Variants in SHISAL1 observed in about 807,000 individuals in gnomAD.
The protein encoded by SHISAL1 is shisa like 1.
Under a neutral mutation model 22.6 loss-of-function variants are expected in SHISAL1, and 9 were observed. The observed-to-expected ratio is 0.40, with a 90% CI of 0.24 to 0.70. The LOEUF (loss-of-function observed/expected upper bound fraction) is 0.70. Among genes scored for constraint, SHISAL1 ranks in the 30% least tolerant of loss-of-function variants. The pLI is 0.39. For synonymous variants in SHISAL1, 119 were observed against 115.4 expected, an observed-to-expected ratio of 1.03 and a Z score of -0.20; for missense variants, 246 against 270.6, an observed-to-expected ratio of 0.91 and a Z score of 0.64.
intron 4 of SHISAL1, among the ~76,000 whole-genome samples, chr22:44,279,088 C>A (rs79365): frequency 0.52 from 79,088 of 151,956 alleles, 21,654 homozygotes; most frequent in Non-Finnish European, 0.61. Context: ...TCTGTCACCA[C>A]CCGCCTGCCG....
At position 44,300,896 on chromosome 22, in the gene SHISAL1, G is replaced by A. The variant is rs751550199; in HGVS notation, c.50C>T (p.Ser17Leu). Residue 17 changes from serine (S) to leucine (L), a missense_variant, in exon 2 of 5, where the codon TCA (serine) becomes TTA (leucine). By Grantham distance (145) the Ser-to-Leu change is moderately radical. Transcript: ENST00000381176. ...QSLNVLAVLF[S>L]LLFSAVLSAH... ...GGTTTTACCTGCAGAAAACAGCAATGAGAAGAGGACGGCGAGCACGTTCAA... is the reference window on the plus strand; with the variant it reads ...GGTTTTACCTGCAGAAAACAGCAATAAGAAGAGGACGGCGAGCACGTTCAA... 1.9e-6 allele frequency: 3 copies of A among 1,614,146 alleles called. No individual in the cohort carries two copies. The highest frequency in any genetic ancestry group is 2.5e-6 in the Non-Finnish European group (3 of 1,179,998).
chr22:44,315,921 GC>G (rs2055555769), upstream of SHISAL1, among the ~76,000 whole-genome samples: 2 of 152,106 alleles, frequency 1.3e-5, no homozygotes, highest in South Asian at 4.1e-4. Context: ...CTCCATCCTG[GC>G]CCTCAAAGGA....
intron 4 of SHISAL1, among the ~76,000 whole-genome samples, chr22:44,267,242 G>A (rs1212412473): frequency 2.0e-5 from 3 of 151,944 alleles, no homozygotes; most frequent in East Asian, 1.9e-4. Flanking sequence ...AGGTGGGAGC[G>A]CCTCCTCCCC....
intron 4 of SHISAL1, among the ~76,000 whole-genome samples, chr22:44,260,374 A>G (rs570178497): frequency 6.6e-6 from 1 of 152,330 alleles, no homozygotes; most frequent in East Asian, 1.9e-4. Context: ...GGAAGGGAAG[A>G]ATGTGACATG....
chr22:44,285,912 G>C (rs1470365025), intron 3 of SHISAL1, among the ~76,000 whole-genome samples, 167 bp from the exon 4 acceptor site: 1 of 152,150 alleles, frequency 6.6e-6, no homozygotes, highest in Non-Finnish European at 1.5e-5. Context: ...CCTCTCCTCT[G>C]CCTGCCTGTT....
intron 4 of SHISAL1, among the ~76,000 whole-genome samples, chr22:44,285,018 G>A (rs1284846604): frequency 6.6e-6 from 1 of 151,866 alleles, no homozygotes; most frequent in Non-Finnish European, 1.5e-5. Context: ...AGTAACATTT[G>A]TATTTTCTAA....
At chr22:44,323,751 T>C in the SHISAL1 span, among the ~76,000 whole-genome samples, 3 of 152,240 alleles carry the variant, frequency 2.0e-5, no homozygotes, top group Non-Finnish European at 2.9e-5. Context: ...CTTGATACTA[T>C]CAAGCTAAAC....
chr22:44,291,128 T>A (rs1387089267), intron 3 of SHISAL1, among the ~76,000 whole-genome samples: 1 of 152,162 alleles, frequency 6.6e-6, no homozygotes, highest in Non-Finnish European at 1.5e-5. Flanking sequence ...AGCAGAAGCT[T>A]AGAGACACGA....
chr22:44,331,580 C>A, the SHISAL1 span, among the ~76,000 whole-genome samples: 1 of 149,960 alleles, frequency 6.7e-6, no homozygotes, highest in Non-Finnish European at 1.5e-5. The surrounding 1 kb of genome is among the most constrained non-coding windows in gnomAD (Gnocchi z 5.2). Flanking sequence ...GGGGGCTGCC[C>A]ACGCCCCCGC....
chr22:44,297,048 C>T (rs745677377), intron 2 of SHISAL1, among the ~76,000 whole-genome samples, 163 bp from the exon 3 acceptor site: 22 of 152,182 alleles, frequency 1.4e-4, no homozygotes, highest in Non-Finnish European at 2.2e-4. Flanking sequence ...CCCATTACCC[C>T]GAGCCTCCCA....
At chr22:44,309,596 C>T (rs891747790) in intron 1 of SHISAL1, among the ~76,000 whole-genome samples, 4 of 152,174 alleles carry the variant, frequency 2.6e-5, no homozygotes, top group Admixed American at 6.5e-5. Flanking sequence ...ACTCAAACCC[C>T]GGGGTCTGCT....
intron 4 of SHISAL1, among the ~76,000 whole-genome samples, chr22:44,285,199 G>T (rs539782365): frequency 1.3e-5 from 2 of 152,168 alleles, no homozygotes; most frequent in Non-Finnish European, 2.9e-5. Flanking sequence ...CAATGAGCTT[G>T]CAAGCTTTGC....
rs367777329 is a variant in SHISAL1 at position 44,266,678 on chromosome 22, C to T, written c.*-16993G>A. ...CTGGCTGTTTGACTTTGGACACATG[C>T]TGTGGCCTCTCTGAGCCTGAGTTTC... On this transcript the variant is annotated intron_variant, in intron 4 of 4. Coordinates refer to ENST00000381176, the MANE Select transcript of SHISAL1 (RefSeq NM_001099294.2). Among the ~76,000 whole-genome samples, 18 of 152,026 alleles carry T rather than the reference C, an allele frequency of 1.2e-4. No homozygotes were observed. In the East Asian group the frequency reaches 3.5e-3, roughly 29 times the overall value.
At chr22:44,263,904 G>A (rs897017845) in intron 4 of SHISAL1, among the ~76,000 whole-genome samples, 2 of 152,206 alleles carry the variant, frequency 1.3e-5, no homozygotes, top group African/African-American at 4.8e-5. Flanking sequence ...CTGCATTTGT[G>A]ATAGTTTATT....
Position 44,249,562 on chromosome 22 carries a change from C to G in SHISAL1, c.*123G>C. 4.1e-6 allele frequency: 3 copies of G among 725,590 alleles called. No individual in the cohort carries two copies. The Admixed American group carries it at 6.2e-5, about 15-fold the overall frequency. 44.9% of individuals were successfully genotyped at this position (725,590 alleles called of 1,614,324 possible). On this transcript the variant is annotated 3_prime_UTR_variant, in exon 5 of 5. Transcript: ENST00000381176. The stretch of plus-strand genomic sequence containing the variant: ...GGGCTTTGGGCACAGGCAGCATTTC[C>G]TCCTGTGCCACCGCCGCTACCTCGG...
rs1484154182 is a variant in SHISAL1 at position 44,244,540 on chromosome 22, C to T, written c.*5145G>A. 6.6e-6 allele frequency: 1 copy of T among 152,166 alleles called. No homozygotes were observed. Among genetic ancestry groups the T allele is most frequent in the Non-Finnish European group, 1.5e-5 (1 of 68,032 alleles). The allele number at this position is 152,166 out of a possible 1,614,324, so 9.4% of individuals were successfully genotyped here. A position where few individuals can be genotyped will look rare whatever the true frequency, so the allele number is the denominator to read the frequency against. On this transcript the variant is annotated 3_prime_UTR_variant, in exon 5 of 5. Transcript: ENST00000381176. ...TCAAATCTGCTCATTCATCAAGCAT[C>T]TATCTAGCACCAGCTGTTGGCTTGG... is the stretch of plus-strand genomic sequence containing the variant.
chr22:44,287,799 G>C (rs766539930), intron 3 of SHISAL1, among the ~76,000 whole-genome samples: 1 of 152,090 alleles, frequency 6.6e-6, no homozygotes, highest in South Asian at 2.1e-4. Context: ...GTAGACCGAG[G>C]AGTCAGGCCT....
chr22:44,249,614 GTTC>G lies in SHISAL1; in HGVS notation c.*68_*70del, dbSNP rs2055032406. On this transcript the variant is annotated 3_prime_UTR_variant, in exon 5 of 5. Transcript: ENST00000381176. The stretch of plus-strand genomic sequence containing the variant: ...TGTCCCTGGCATCTCTGTAGAAGTT[GTTC>G]TTCTCGGAGGCTGCACCGGGTGCTT... 1.3e-6 allele frequency: 1 copy of G among 775,392 alleles called. No homozygotes were observed. Among genetic ancestry groups the G allele is most frequent in the Admixed American group, 1.7e-5 (1 of 57,426 alleles). 48.0% of individuals were successfully genotyped at this position (775,392 alleles called of 1,614,324 possible). A position where few individuals can be genotyped will look rare whatever the true frequency, so the allele number is the denominator to read the frequency against.
intron 4 of SHISAL1, among the ~76,000 whole-genome samples, chr22:44,275,829 AG>A (rs1257536947): frequency 6.6e-6 from 1 of 152,246 alleles, no homozygotes; most frequent in Non-Finnish European, 1.5e-5. Context: ...TGCTTAGCTC[AG>A]CAAGTCCTCA....
Sources: gnomAD v4.1 joint callset for allele counts (sites outside exome capture counted in the v4.1 genomes callset) on GRCh38, gnomAD v4.1.1 for gene constraint, Gnocchi (gnomAD v3.1) non-coding constraint, MANE v1.5 for transcripts, NCBI Gene and HGNC (gene_info 2026-07-23, HGNC 2026-07-21) for gene names.